Variants in ATR observed in about 807,000 individuals in gnomAD.
The protein encoded by ATR is ATR checkpoint kinase.
ATR carries 142 observed loss-of-function variants against 305.3 expected under a neutral mutation model. The observed-to-expected ratio is 0.47, with a 90% CI of 0.41 to 0.53. ATR has a LOEUF of 0.53. Ranked by LOEUF, ATR falls within the 20% of genes least tolerant of loss-of-function variation. The pLI is 0.00. For synonymous variants in ATR, 1,050 were observed against 1,068.1 expected (o/e 0.98, Z 0.33); for missense variants, 2,135 against 3,133.1 (o/e 0.68, Z 7.60).
intron 36 of ATR, 73 bp downstream of exon 36, chr3:142,485,067 A>G (rs1419442310): frequency 1.3e-6 from 2 of 1,579,514 alleles, no homozygotes; most frequent in South Asian, 1.1e-5. Context: ...ATGCTAAGAC[A>G]TGTGATAACA....
In ATR at chr3:142,492,601, T is replaced by A. The variant is rs148212879; in HGVS notation, c.6078+531A>T. Among the ~76,000 whole-genome samples the A allele has an allele frequency of 1.0e-3, 157 of 152,348 alleles. 1 individual carries two copies. Among genetic ancestry groups the A allele is most frequent in the African/African-American group, 3.6e-3 (149 of 41,586 alleles). ...TTTCTAACTCTTTGGGATAGATACT[T>A]AACTCGTTAATTTTGAACCTTTATT... On this transcript the variant is annotated intron_variant, in intron 35 of 46. Coordinates refer to ENST00000350721, the MANE Select transcript of ATR (RefSeq NM_001184.4).
chr3:142,556,605 T>A (rs1016104315), intron 8 of ATR, 30 bp from the exon 9 acceptor site: 2 of 1,599,170 alleles, frequency 1.3e-6, no homozygotes, highest in African/African-American at 2.7e-5. Context: ...TAAACAAGAT[T>A]TCTACTAATG....
At chr3:142,470,343 T>C (rs2071232490) in intron 36 of ATR, among the ~76,000 whole-genome samples, 160 bp from the exon 37 acceptor site, 1 of 152,182 alleles carries the variant, frequency 6.6e-6, no homozygotes, top group Non-Finnish European at 1.5e-5. Context: ...GTCTCCTTTT[T>C]AGCTCACTTA....
chr3:142,517,929 T>C (rs2032937630), intron 24 of ATR, among the ~76,000 whole-genome samples: 1 of 152,224 alleles, frequency 6.6e-6, no homozygotes. Flanking sequence ...ATTATCTCCT[T>C]TATTCCTAAC....
In ATR at chr3:142,560,579, G is replaced by T. The variant is rs551658062; in HGVS notation, c.1350-125C>A. 1.1e-4 allele frequency: 82 copies of T among 758,572 alleles called. No individual in the cohort carries two copies. The African/African-American group carries it at 1.4e-3, about 13-fold the overall frequency. 47.0% of individuals were successfully genotyped at this position (758,572 alleles called of 1,614,324 possible). ...ATTCAAAAAAATTTTTTTTTTTTGTGAGACAGAGTCTCACTCTGTCTCCCA... is the reference window on the plus strand; with the variant it reads ...ATTCAAAAAAATTTTTTTTTTTTGTTAGACAGAGTCTCACTCTGTCTCCCA... On this transcript the variant is annotated intron_variant, in intron 5 of 46. Transcript: ENST00000350721.
chr3:142,513,398 A>G, intron 26 of ATR, 103 bp downstream of exon 26: 1 of 1,358,088 alleles, frequency 7.4e-7, no homozygotes, highest in Non-Finnish European at 1.1e-6. Context: ...ATAGCCATAC[A>G]TAGGTCTACA....
At chr3:142,500,544 C>T (rs1176038657) in intron 30 of ATR, among the ~76,000 whole-genome samples, 1 of 152,108 alleles carries the variant, frequency 6.6e-6, no homozygotes, top group Non-Finnish European at 1.5e-5. Context: ...GCATACAGCA[C>T]ATATATATCC....
At chr3:142,528,751 C>G (rs1036878321) in intron 21 of ATR, among the ~76,000 whole-genome samples, 1 of 148,372 alleles carries the variant, frequency 6.7e-6, no homozygotes, top group Non-Finnish European at 1.5e-5. Flanking sequence ...AATTATAATA[C>G]AGTATACTAT....
In ATR at chr3:142,497,142, T is replaced by C. The variant is rs2031696803; in HGVS notation, c.5609A>G (p.His1870Arg). The C allele has an allele frequency of 1.9e-6, 3 of 1,614,108 alleles. No individual in the cohort carries two copies. Residue 1870 changes from histidine to arginine, a missense_variant, in exon 33 of 47, where the codon CAT (histidine) becomes CGT (arginine). His to Arg is a conservative substitution (Grantham distance 29). Around this residue, in one of 9 missense-constraint regions of ATR, gnomAD observed 117 missense variants for 198.3 expected, o/e 0.59. Coordinates refer to ENST00000350721, the MANE Select transcript of ATR (RefSeq NM_001184.4). Reference sequence around the variant, plus strand: ...TTCTTGAGAACTGTCACCTGGAGAATGCTGGAAAAGTGGTTTGATGCTATG... The same window carrying C: ...TTCTTGAGAACTGTCACCTGGAGAACGCTGGAAAAGTGGTTTGATGCTATG... Reference protein sequence around the residue: ...LEHSIKPLFQHSPGDSSQEDS... With the variant: ...LEHSIKPLFQRSPGDSSQEDS...
At chr3:142,481,009 G>T (rs943739546) in intron 36 of ATR, among the ~76,000 whole-genome samples, 18 of 152,242 alleles carry the variant, frequency 1.2e-4, no homozygotes, top group African/African-American at 4.3e-4. Flanking sequence ...GCTATGAAAA[G>T]GAATTCCCTG....
In ATR at chr3:142,466,306, T is replaced by C. The variant is rs376293034; in HGVS notation, c.6897+18A>G. The C allele has an allele frequency of 6.9e-6, 11 of 1,601,752 alleles. No homozygotes were observed. The African/African-American group carries it at 9.4e-5, about 14-fold the overall frequency. ...CAACTAAATTTTAAAATCATAGTCA[T>C]ATAAAACTGAAGTTTACCATATCAT... On this transcript the variant is annotated intron_variant, in intron 40 of 46. Coordinates refer to ENST00000350721, the MANE Select transcript of ATR (RefSeq NM_001184.4).
chr3:142,549,708 T>C (rs1358500926), intron 14 of ATR, 35 bp from the exon 15 acceptor site: 3 of 1,590,974 alleles, frequency 1.9e-6, no homozygotes, highest in Non-Finnish European at 2.6e-6. Context: ...AAAAAGTACA[T>C]TTGTCTGGGT....
At chr3:142,505,528 CA>C (rs2032192003) in intron 28 of ATR, among the ~76,000 whole-genome samples, 1 of 152,062 alleles carries the variant, frequency 6.6e-6, no homozygotes, top group African/African-American at 2.4e-5. Flanking sequence ...AAATCTATAT[CA>C]ATAGCTGTTA....
chr3:142,563,040 T>A lies in ATR; in HGVS notation c.362A>T (p.Lys121Met). 1.3e-6 allele frequency: 2 copies of A among 1,599,728 alleles called. No individual in the cohort carries two copies. Among genetic ancestry groups the A allele is most frequent in the Non-Finnish European group, 1.7e-6 (2 of 1,175,734 alleles). ...AATPSCHLLH[K>M]KICEVICSLL... Reference sequence around the variant, plus strand: ...TGAACAGATGACTTCACAGATTTTCTTGTGTAACAAATGACAGGAGGGAGT... The same window carrying A: ...TGAACAGATGACTTCACAGATTTTCATGTGTAACAAATGACAGGAGGGAGT... The change falls in exon 4 of 47, where the codon AAG becomes ATG. Residue 121 changes from lysine to methionine, a missense_variant. This residue lies in a region of ATR where 744 missense variants were observed against 873.2 expected (regional missense o/e 0.85). Coordinates refer to ENST00000350721, the MANE Select transcript of ATR (RefSeq NM_001184.4).
At chr3:142,522,684 GAATTA>G in intron 23 of ATR, 39 bp downstream of exon 23, 2 of 1,459,814 alleles carry the variant, frequency 1.4e-6, no homozygotes. Context: ...GTTCTTATTT[GAATTA>G]AACAATTTAA....
Position 142,555,956 on chromosome 3 carries a change from T to C in ATR, c.2262A>G (p.Ser754=), listed in dbSNP as rs1305280525. 1 of 1,613,734 alleles carries C rather than the reference T, an allele frequency of 6.2e-7. No homozygotes were observed. The highest frequency in any genetic ancestry group is 1.1e-5 in the South Asian group (1 of 90,936). The change falls in exon 10 of 47, where the codon TCA becomes TCG. Residue 754 remains serine (S), a synonymous_variant. Transcript: ENST00000350721. ...AGACAGAAGCTTTTAGTTGAGAAGA[T>C]GAACATTCATGTTGAGAAGTGGCTT... ...NLKATSQHEC[S]SSQLKASVCK...
chr3:142,578,297 T>A (rs1434509507), intron 1 of ATR, among the ~76,000 whole-genome samples: 1 of 152,130 alleles, frequency 6.6e-6, no homozygotes, highest in Non-Finnish European at 1.5e-5. Context: ...GAAAAAGATT[T>A]TCGAGAAGAA....
chr3:142,529,172 G>A (rs1339625453), intron 21 of ATR, among the ~76,000 whole-genome samples: 1 of 151,524 alleles, frequency 6.6e-6, no homozygotes, highest in Non-Finnish European at 1.5e-5. Flanking sequence ...GAGCTACCGT[G>A]CCCAGCCTAT....
chr3:142,486,959 C>CAAAAAAAAAAAAAAAAAAAA (rs60024459), intron 35 of ATR, among the ~76,000 whole-genome samples: 1 of 69,704 alleles, frequency 1.4e-5, no homozygotes, highest in African/African-American at 6.2e-5. Context: ...ACTAAAAATA[C>CAAAAAAAAAAAAAAAAAAAA]AAAAAAAAAA....
Sources: gnomAD v4.1 joint callset for allele counts (sites outside exome capture counted in the v4.1 genomes callset) on GRCh38, gnomAD v4.1.1 for gene constraint, gnomAD v4.1.1 regional missense constraint, MANE v1.5 for transcripts, NCBI Gene and HGNC (gene_info 2026-07-23, HGNC 2026-07-21) for gene names.